The following XKR6 variants were observed in gnomAD, a reference collection of about 807,000 sequenced individuals.
XKR6 encodes the protein XK related 6.
A neutral mutation model predicts 56.7 loss-of-function variants in XKR6; 22 were observed. That is an observed-to-expected ratio of 0.39 (90% CI 0.28 to 0.55). XKR6 has a LOEUF of 0.55. XKR6 is among the 20% of genes least tolerant of loss of function. The pLI is 0.66. For missense variants in XKR6, 852 were observed against 889.0 expected (o/e 0.96, Z 0.53); for synonymous variants, 524 against 387.8 (o/e 1.35, Z -4.13).
chr8:11,185,162 T>G (rs747447070), intron 1 of XKR6, among the ~76,000 whole-genome samples: 15 of 152,254 alleles, frequency 9.9e-5, no homozygotes, highest in Middle Eastern at 6.8e-3. Flanking sequence ...CCAGGACTGG[T>G]GCCCGCCGTG....
rs763920316 is a variant in XKR6, at chr8:11,200,139, G to A, written c.764+437C>T. On this transcript the variant is annotated intron_variant, in intron 1 of 2. Transcript: ENST00000416569. This position sits in a 1 kb window ranked among gnomAD's most constrained non-coding sequence, Gnocchi z 6.4. ...CGCAGGCCACTGCAGAGGGAGAACG[G>A]GGGAAGAGGGGAGGATGTCTCACCT... 3.9e-5 allele frequency among the ~76,000 whole-genome samples: 6 copies of A among 152,234 alleles called. No homozygotes were observed. The highest frequency in any genetic ancestry group is 7.3e-5 in the Non-Finnish European group (5 of 68,040).
At chr8:11,082,660 A>G (rs990895224) in intron 1 of XKR6, among the ~76,000 whole-genome samples, 1 of 152,206 alleles carries the variant, frequency 6.6e-6, no homozygotes, top group Non-Finnish European at 1.5e-5. Context: ...CTCTGTCCCA[A>G]CAGCAGTCCC....
chr8:11,094,080 G>A lies in XKR6; in HGVS notation c.764+106496C>T, dbSNP rs867155155. ...ATTACAGGCGTGAGCCACCGCGCCC[G>A]GCCTTTTTTTTTTTTTGACAGAGTC... On this transcript the variant is annotated intron_variant, in intron 1 of 2. Coordinates refer to ENST00000416569, the MANE Select transcript of XKR6 (RefSeq NM_173683.4). Among the ~76,000 whole-genome samples, 28 of 128,386 alleles carry A rather than the reference G, an allele frequency of 2.2e-4. No individual in the cohort carries two copies. The South Asian group carries it at 3.9e-3, about 18-fold the overall frequency. 84.2% of individuals were successfully genotyped at this position (128,386 alleles called of 152,430 possible).
intron 1 of XKR6, among the ~76,000 whole-genome samples, chr8:11,039,219 C>A (rs1309275928): frequency 6.6e-6 from 1 of 152,222 alleles, no homozygotes; most frequent in Non-Finnish European, 1.5e-5. Context: ...GTACTGAAGT[C>A]ATAAAATCCA....
rs61377795 is a variant in XKR6, at chr8:11,037,857, CAA to C, written c.765-113029_765-113028del. On this transcript the variant is annotated intron_variant, in intron 1 of 2. Transcript: ENST00000416569. ...TGGATGACAGAGCGAGACTTGGTTTCAAAAAAAAAAAAAAAAAAAATTAGCCG... is the reference window on the plus strand; with the variant it reads ...TGGATGACAGAGCGAGACTTGGTTTCAAAAAAAAAAAAAAAAAATTAGCCG... Among the ~76,000 whole-genome samples, 441 of 100,678 alleles carry C rather than the reference CAA, an allele frequency of 4.4e-3. 3 individuals are homozygous for C. The highest frequency in any genetic ancestry group is 0.011 in the African/African-American group (329 of 30,318). 66.0% of individuals were successfully genotyped at this position (100,678 alleles called of 152,430 possible). A position where few individuals can be genotyped will look rare whatever the true frequency, so the allele number is the denominator to read the frequency against.
intron 1 of XKR6, among the ~76,000 whole-genome samples, chr8:11,075,029 G>T (rs1800234976): frequency 6.6e-6 from 1 of 152,208 alleles, no homozygotes; most frequent in Non-Finnish European, 1.5e-5. Flanking sequence ...ATGGCCCACA[G>T]GACTTGGCTG....
chr8:11,146,276 T>C (rs943028226), intron 1 of XKR6, among the ~76,000 whole-genome samples: 3 of 152,230 alleles, frequency 2.0e-5, no homozygotes, highest in African/African-American at 7.2e-5. Flanking sequence ...AAAATCTTTG[T>C]GCCCTTGGGC....
chr8:11,122,970 C>G (rs978312116), intron 1 of XKR6, among the ~76,000 whole-genome samples: 1 of 152,208 alleles, frequency 6.6e-6, no homozygotes, highest in Non-Finnish European at 1.5e-5. Context: ...GGTGCAGTGG[C>G]TCACGCCTGT....
chr8:11,017,643 C>T (rs760402340), intron 1 of XKR6, among the ~76,000 whole-genome samples: 1 of 152,236 alleles, frequency 6.6e-6, no homozygotes, highest in Non-Finnish European at 1.5e-5. Context: ...CACACAGAGC[C>T]TCACTTGATC....
At chr8:11,047,011 C>T (rs997877938) in intron 1 of XKR6, among the ~76,000 whole-genome samples, 4 of 151,324 alleles carry the variant, frequency 2.6e-5, no homozygotes, top group Admixed American at 6.6e-5. Flanking sequence ...AAATGGGGGG[C>T]GGGTGTTGGT....
rs1047625393 is a variant in XKR6, at chr8:11,022,606, G to A, written c.765-97776C>T. 2.0e-5 allele frequency among the ~76,000 whole-genome samples: 3 copies of A among 152,154 alleles called. No homozygotes were observed. The East Asian group carries it at 5.8e-4, about 29-fold the overall frequency. On this transcript the variant is annotated intron_variant, in intron 1 of 2. Coordinates refer to ENST00000416569, the MANE Select transcript of XKR6 (RefSeq NM_173683.4). ...GGCAGGAGCAGAGGAGAATGCATGC[G>A]CTTCCTCCAGTGTCATCTTTTTCCA...
chr8:11,069,349 C>G (rs972812316), intron 1 of XKR6, among the ~76,000 whole-genome samples: 2 of 152,158 alleles, frequency 1.3e-5, no homozygotes, highest in African/African-American at 4.8e-5. Flanking sequence ...CTGGTCCATC[C>G]CCCACCAGAG....
At position 11,201,620 on chromosome 8, in the gene XKR6, C is replaced by G. The variant is rs945149289; in HGVS notation, c.-281G>C. ...GCCCTCCTGTGCCTCAGCTGCTGGG[C>G]GGGGGACCGGGGGGTTCTCCCCGCC... On this transcript the variant is annotated 5_prime_UTR_variant, in exon 1 of 3. Coordinates refer to ENST00000416569, the MANE Select transcript of XKR6 (RefSeq NM_173683.4). Among the ~76,000 whole-genome samples, 4 of 151,998 alleles carry G rather than the reference C, an allele frequency of 2.6e-5. No homozygotes were observed. The highest frequency in any genetic ancestry group is 6.5e-5 in the Admixed American group (1 of 15,276).
chr8:10,994,096 G>T (rs566226282), intron 1 of XKR6, among the ~76,000 whole-genome samples: 1 of 152,158 alleles, frequency 6.6e-6, no homozygotes, highest in South Asian at 2.1e-4. Context: ...CCTGAACATG[G>T]TTCCCCAACC....
At chr8:10,985,222 T>C (rs994596517) in intron 1 of XKR6, among the ~76,000 whole-genome samples, 2 of 152,038 alleles carry the variant, frequency 1.3e-5, no homozygotes, top group Non-Finnish European at 2.9e-5. Flanking sequence ...AGGGACCTGG[T>C]GGGAGGTAAT....
At chr8:11,194,920 T>C (rs1392654481) in intron 1 of XKR6, 1 of 536,230 alleles carries the variant, frequency 1.9e-6, no homozygotes, top group Non-Finnish European at 3.3e-6. Context: ...CCAGTTGCAA[T>C]TTCGCTCCAA....
At chr8:11,121,540 T>A (rs1326398573) in intron 1 of XKR6, among the ~76,000 whole-genome samples, 1 of 152,086 alleles carries the variant, frequency 6.6e-6, no homozygotes, top group East Asian at 1.9e-4. Context: ...AAACAACAGG[T>A]GCTGGAGAGG....
chr8:11,084,960 A>G (rs1407353870), intron 1 of XKR6, among the ~76,000 whole-genome samples: 1 of 152,190 alleles, frequency 6.6e-6, no homozygotes, highest in Non-Finnish European at 1.5e-5. Flanking sequence ...TCCAAGGTGC[A>G]CCACCATCCC....
chr8:11,177,350 A>G (rs4451268), intron 1 of XKR6, among the ~76,000 whole-genome samples: 46,280 of 152,144 alleles, frequency 0.3, 7,724 homozygotes, highest in Non-Finnish European at 0.37. Context: ...ACTTCAAGGA[A>G]GCAAACTGCC....
Sources: allele counts gnomAD v4.1 joint callset (sites outside exome capture counted in the v4.1 genomes callset), GRCh38; gene constraint gnomAD v4.1.1; non-coding constraint Gnocchi (gnomAD v3.1); transcripts MANE v1.5; gene names NCBI Gene and HGNC (gene_info 2026-07-23, HGNC 2026-07-21).